NEIL2: variants seen among roughly 807,000 people sequenced by gnomAD.
NEIL2 encodes the protein endonuclease 8-like 2.
Under a neutral mutation model 22.2 loss-of-function variants are expected in NEIL2, and 23 were observed. That is an observed-to-expected ratio of 1.04 (90% confidence interval 0.75 to 1.47). NEIL2 has a LOEUF of 1.47. Ranked by LOEUF, NEIL2 falls within the 40% of genes most tolerant of loss-of-function variation. The pLI is 0.00. For missense variants in NEIL2, 583 were observed against 404.7 expected (o/e 1.44, Z -3.78); for synonymous variants, 229 against 164.8 (o/e 1.39, Z -2.99).
intron 2 of NEIL2, among the ~76,000 whole-genome samples, chr8:11,777,126 G>A (rs903686301): frequency 9.9e-5 from 15 of 151,864 alleles, no homozygotes; most frequent in Non-Finnish European, 1.5e-4. Flanking sequence ...CTCTTCTTCC[G>A]TGTGCTACGT....
At chr8:11,771,252 T>C (rs1803408534) in intron 1 of NEIL2, among the ~76,000 whole-genome samples, 194 bp from the exon 2 acceptor site, 1 of 152,174 alleles carries the variant, frequency 6.6e-6, no homozygotes. Context: ...TCCTGCTACG[T>C]TTCCCACACC....
chr8:11,774,265 C>T (rs1045140125), intron 2 of NEIL2, among the ~76,000 whole-genome samples: 1 of 152,132 alleles, frequency 6.6e-6, no homozygotes, highest in East Asian at 1.9e-4. Flanking sequence ...ATCCCAGCTA[C>T]TTGGGAGGCT....
intron 2 of NEIL2, among the ~76,000 whole-genome samples, chr8:11,778,746 G>A (rs1308180448): frequency 6.6e-6 from 1 of 152,046 alleles, no homozygotes; most frequent in Non-Finnish European, 1.5e-5. Flanking sequence ...GAGGTCAGGA[G>A]TTCGAGACCA....
chr8:11,771,524 G>T lies in NEIL2; in HGVS notation c.77G>T (p.Gly26Val), dbSNP rs150931138. 33 of 1,613,924 alleles carry T rather than the reference G, an allele frequency of 2.0e-5. No homozygotes were observed. Among genetic ancestry groups the T allele is most frequent in the Non-Finnish European group, 2.6e-5 (31 of 1,180,018 alleles). The change falls in exon 2 of 5, where the codon GGG becomes GTG. Residue 26 changes from glycine (G) to valine (V), a missense_variant. By Grantham distance (109) the Gly-to-Val change is moderately radical (BLOSUM62 -3). Transcript: ENST00000284503. ...PFVGQQVVKT[G>V]GSSKKLQPAS... ...GTGGGTCAGCAGGTGGTCAAGACAGGGGGCAGCAGTAAGAAGCTACAGCCC... is the reference window on the plus strand; with the variant it reads ...GTGGGTCAGCAGGTGGTCAAGACAGTGGGCAGCAGTAAGAAGCTACAGCCC...
In NEIL2 at chr8:11,786,269, C is replaced by T. The variant is rs1804941347; in HGVS notation, c.995C>T (p.Ser332Phe). 7 of 1,611,286 alleles carry T rather than the reference C, an allele frequency of 4.3e-6. No homozygotes were observed. The highest frequency in any genetic ancestry group is 1.9e-4 in the Middle Eastern group (1 of 5,338). ...LSEEPEQCQF[S>F] Reference sequence around the variant, plus strand: ...GAGGAGCCAGAGCAGTGCCAGTTCTCCTAAGGAGCTGGTGGTGCTCCTCAC... The same window carrying T: ...GAGGAGCCAGAGCAGTGCCAGTTCTTCTAAGGAGCTGGTGGTGCTCCTCAC... The change falls in exon 5 of 5, where the codon TCC becomes TTC. Residue 332 changes from serine to phenylalanine, a missense_variant. Coordinates refer to ENST00000284503, the MANE Select transcript of NEIL2 (RefSeq NM_145043.4).
Position 11,779,829 on chromosome 8 carries a change from GC to G in NEIL2, c.371del (p.Ala124GlufsTer20). On this transcript the variant is annotated frameshift_variant, in exon 3 of 5. Transcript: ENST00000284503. LOFTEE classifies it high-confidence loss of function. ...DSEYLERDAP[A>X]GDAGRWLRVS... is the part of the protein sequence containing the mutation. ...TGAGTATTTGGAGAGAGACGCCCCT[GC>G]AGGAGATGCTGGGAGGTGGCTGCGT... The G allele has an allele frequency of 3.7e-6, 6 of 1,614,144 alleles. No individual in the cohort carries two copies. Among genetic ancestry groups the G allele is most frequent in the Non-Finnish European group, 5.1e-6 (6 of 1,180,008 alleles).
At chr8:11,778,289 A>ATTTTTTTT (rs1372253214) in intron 2 of NEIL2, among the ~76,000 whole-genome samples, 1 of 63,134 alleles carries the variant, frequency 1.6e-5, no homozygotes, top group African/African-American at 5.8e-5. Flanking sequence ...ATCCTTGCTC[A>ATTTTTTTT]GTTTTTTTTT....
At chr8:11,775,442 T>G (rs1359134651) in intron 2 of NEIL2, among the ~76,000 whole-genome samples, 1 of 152,166 alleles carries the variant, frequency 6.6e-6, no homozygotes, top group Non-Finnish European at 1.5e-5. Context: ...GGAAACCATT[T>G]TTTCCTTCTA....
intron 1 of NEIL2, among the ~76,000 whole-genome samples, 188 bp from the exon 2 acceptor site, chr8:11,771,258 A>G (rs1803408887): frequency 6.6e-6 from 1 of 152,160 alleles, no homozygotes; most frequent in African/African-American, 2.4e-5. Flanking sequence ...TACGTTTCCC[A>G]CACCCTGCCA....
intron 4 of NEIL2, 65 bp from the exon 5 acceptor site, chr8:11,785,898 T>G (rs972836142): frequency 6.2e-6 from 9 of 1,458,086 alleles, no homozygotes; most frequent in African/African-American, 1.4e-5. Context: ...TTGTTAACTT[T>G]GTGGGTGGTT....
At chr8:11,777,057 C>T (rs1803964718) in intron 2 of NEIL2, among the ~76,000 whole-genome samples, 1 of 152,194 alleles carries the variant, frequency 6.6e-6, no homozygotes. Flanking sequence ...CTCCTCTGCC[C>T]TCCACTCTTC....
intron 1 of NEIL2, among the ~76,000 whole-genome samples, chr8:11,770,952 C>A (rs914269696): frequency 6.6e-6 from 1 of 152,164 alleles, no homozygotes. Flanking sequence ...ACCTCCCCCA[C>A]GCTAGTGGTC....
intron 1 of NEIL2, among the ~76,000 whole-genome samples, chr8:11,770,758 G>A (rs1803366431): frequency 6.6e-6 from 1 of 152,076 alleles, no homozygotes. Flanking sequence ...CAGTGGACTG[G>A]GATGATTTGG....
At chr8:11,771,309 C>G in intron 1 of NEIL2, 137 bp from the exon 2 acceptor site, 3 of 1,050,612 alleles carry the variant, frequency 2.9e-6, no homozygotes, top group East Asian at 2.4e-5. Flanking sequence ...CCCAGCCACA[C>G]TCCCTTTTTG....
chr8:11,782,676 C>G, intron 3 of NEIL2: 1 of 195,110 alleles, frequency 5.1e-6, no homozygotes, highest in Non-Finnish European at 1.1e-5. Flanking sequence ...TGATTTTGTA[C>G]CATTATAAAA....
At chr8:11,782,824 G>C (rs1374013204) in intron 3 of NEIL2, 1 of 342,370 alleles carries the variant, frequency 2.9e-6, no homozygotes, top group Non-Finnish European at 5.5e-6. Context: ...CACAGAGTGT[G>C]CTTGGACTAT....
chr8:11,780,021 T>G, intron 3 of NEIL2, 71 bp downstream of exon 3: 1 of 1,361,182 alleles, frequency 7.3e-7, no homozygotes, highest in Non-Finnish European at 1.0e-6. Context: ...GGTTTGGGAC[T>G]TCAGCAGTGG....
At chr8:11,782,118 T>C (rs1251863273) in intron 3 of NEIL2, among the ~76,000 whole-genome samples, 1 of 151,790 alleles carries the variant, frequency 6.6e-6, no homozygotes, top group Non-Finnish European at 1.5e-5. Flanking sequence ...ATGGAAAGGG[T>C]ATATGGAGTA....
At chr8:11,774,257 C>A (rs1447242770) in intron 2 of NEIL2, among the ~76,000 whole-genome samples, 1 of 152,082 alleles carries the variant, frequency 6.6e-6, no homozygotes, top group Non-Finnish European at 1.5e-5. Context: ...CGCCTGTAAT[C>A]CCAGCTACTT....
Sources: allele counts gnomAD v4.1 joint callset (sites outside exome capture counted in the v4.1 genomes callset), GRCh38; gene constraint gnomAD v4.1.1; transcripts MANE v1.5; gene names NCBI Gene and HGNC (gene_info 2026-07-23, HGNC 2026-07-21).